Variants in CCZ1 observed in about 807,000 individuals in gnomAD.
The protein encoded by CCZ1 is CCZ1 vacuolar protein trafficking and biogenesis associated.
In CCZ1, 19 loss-of-function variants were observed where a neutral mutation model predicts 57.8. That is an observed-to-expected ratio of 0.33 (90% confidence interval 0.23 to 0.48). CCZ1 has a LOEUF of 0.48. Ranked by LOEUF, CCZ1 falls within the 20% of genes least tolerant of loss-of-function variation. The probability of loss-of-function intolerance (pLI) is 0.99; values close to 1 mark genes in which losing one functional copy is unlikely to be tolerated. For missense variants in CCZ1, 200 were observed against 492.0 expected (o/e 0.41, Z 5.61); for synonymous variants, 81 against 167.0 (o/e 0.49, Z 3.97).
rs1779072479 is a variant in CCZ1 at position 5,913,029 on chromosome 7, G to A, written c.954+75G>A. 2.6e-6 allele frequency: 4 copies of A among 1,526,736 alleles called. No individual in the cohort carries two copies. In the East Asian group the frequency reaches 6.9e-5, roughly 26 times the overall value. 94.6% of individuals were successfully genotyped at this position (1,526,736 alleles called of 1,614,324 possible). On this transcript the variant is annotated intron_variant, in intron 10 of 14. Transcript: ENST00000325974. ...TTCTTGCATGTGTACACGAGTGCAT[G>A]TGCAAACCTCTTAAATGTTTCTTGG... is the stretch of plus-strand genomic sequence containing the variant.
chr7:5,899,332 G>GTGTGTGTGTGTGT (rs1781623164), intron 1 of CCZ1, among the ~76,000 whole-genome samples: 10 of 128,854 alleles, frequency 7.8e-5, no homozygotes, highest in African/African-American at 2.2e-4. Flanking sequence ...TTTCGGGAGG[G>GTGTGTGTGTGTGT]GGGTGTGTGT....
chr7:5,909,180 A>G (rs1172957067), intron 7 of CCZ1, among the ~76,000 whole-genome samples: 1 of 148,280 alleles, frequency 6.7e-6, no homozygotes, highest in Non-Finnish European at 1.5e-5. Flanking sequence ...GGTCAGGATA[A>G]AGTTCCAGTG....
intron 10 of CCZ1, among the ~76,000 whole-genome samples, chr7:5,914,489 C>T (rs1419695834): frequency 6.7e-6 from 1 of 148,772 alleles, no homozygotes; most frequent in Non-Finnish European, 1.5e-5. Context: ...CATTATGTGA[C>T]AGTGGAAGAG....
Position 5,912,011 on chromosome 7 carries a change from T to C in CCZ1, c.842+89T>C. 8.3e-6 allele frequency: 13 copies of C among 1,573,998 alleles called. No homozygotes were observed. The South Asian group carries it at 1.4e-4, about 17-fold the overall frequency. On this transcript the variant is annotated intron_variant, in intron 9 of 14. Coordinates refer to ENST00000325974, the MANE Select transcript of CCZ1 (RefSeq NM_015622.6). ...CTCTGTTACCCAGGCTGGAGAGCAGTGGCAAGATCTCCGCTCACTGCAACC... is the reference window on the plus strand; with the variant it reads ...CTCTGTTACCCAGGCTGGAGAGCAGCGGCAAGATCTCCGCTCACTGCAACC...
chr7:5,919,947 A>G lies in CCZ1; in HGVS notation c.1087A>G (p.Ile363Val), dbSNP rs1779205984. 5.8e-6 allele frequency: 9 copies of G among 1,559,990 alleles called. 2 individuals carry two copies. Among genetic ancestry groups the G allele is most frequent in the Admixed American group, 1.7e-5 (1 of 58,582 alleles). ...CTCTGACATCTGTGAACAGTTTAAC[A>G]TCAACAAGAGGATGTCCGGGTTTGT... Reference protein sequence around the residue: ...LASDICEQFNINKRMSGSEKE... With the variant: ...LASDICEQFNVNKRMSGSEKE... The change falls in exon 12 of 15, where the codon ATC becomes GTC. Residue 363 changes from isoleucine (I) to valine (V), a missense_variant. Ile to Val is a conservative substitution (Grantham distance 29, BLOSUM62 3). Transcript: ENST00000325974.
At chr7:5,909,406 A>T (rs949983673) in intron 7 of CCZ1, among the ~76,000 whole-genome samples, 9 of 150,612 alleles carry the variant, frequency 6.0e-5, no homozygotes, top group Non-Finnish European at 4.4e-5. Flanking sequence ...CTCTTGAAAA[A>T]TGAAAAAAGA....
At position 5,901,713 on chromosome 7, in the gene CCZ1, G is replaced by C. The variant is rs369170918; in HGVS notation, c.438+9G>C. The C allele has an allele frequency of 1.8e-3, 2,929 of 1,597,652 alleles. 75 individuals are homozygous for C. The African/African-American group carries it at 0.036, about 20-fold the overall frequency. Reference sequence around the variant, plus strand: ...GCTACAGCATGTACAAGGTAAGCGTGGCGTTCTTTCTCAACTCAGAGTCCA... The same window carrying C: ...GCTACAGCATGTACAAGGTAAGCGTCGCGTTCTTTCTCAACTCAGAGTCCA... On this transcript the variant is annotated intron_variant, in intron 5 of 14. Coordinates refer to ENST00000325974, the MANE Select transcript of CCZ1 (RefSeq NM_015622.6).
intron 8 of CCZ1, among the ~76,000 whole-genome samples, chr7:5,911,102 C>T (rs1224769601): frequency 1.5e-4 from 23 of 148,928 alleles, no homozygotes; most frequent in Non-Finnish European, 3.0e-4. Flanking sequence ...AAACAATCGA[C>T]TTGTGTAGTC....
intron 7 of CCZ1, among the ~76,000 whole-genome samples, chr7:5,906,719 C>T (rs1234142686): frequency 4.0e-5 from 6 of 149,830 alleles, no homozygotes; most frequent in African/African-American, 1.5e-4. Flanking sequence ...TAAAATTTAC[C>T]TTCCCTGCCA....
In CCZ1 at chr7:5,925,712, A is replaced by C. The variant is rs371275893; in HGVS notation, c.*25A>C. 429 of 1,551,056 alleles carry C rather than the reference A, an allele frequency of 2.8e-4. No homozygotes were observed. The African/African-American group carries it at 5.0e-3, about 18-fold the overall frequency. On this transcript the variant is annotated 3_prime_UTR_variant, in exon 15 of 15. Coordinates refer to ENST00000325974, the MANE Select transcript of CCZ1 (RefSeq NM_015622.6). The stretch of plus-strand genomic sequence containing the variant: ...ACGGATGACGGCTCACCGAGAGCAT[A>C]TCTAAAAAACACTCTGCAAACATTT...
In CCZ1 at chr7:5,901,672, T is replaced by C. The variant is rs758803852; in HGVS notation, c.406T>C (p.Ser136Pro). The change falls in exon 5 of 15, where the codon TCG (serine) becomes CCG (proline). Residue 136 changes from serine to proline, a missense_variant. Coordinates refer to ENST00000325974, the MANE Select transcript of CCZ1 (RefSeq NM_015622.6). The part of the protein sequence containing the change: ...EEELLDKVYS[S>P]VLRQCYSMYK... ...GCGTCTGCAGGACAAGGTTTATAGC[T>C]CGGTGCTGCGGCAGTGCTACAGCAT... 8.8e-6 allele frequency: 14 copies of C among 1,598,514 alleles called. 1 individual carries two copies. The highest frequency in any genetic ancestry group is 2.8e-5 in the African/African-American group (2 of 72,628).
chr7:5,899,365 G>C (rs1781628720), intron 1 of CCZ1, among the ~76,000 whole-genome samples: 1 of 147,816 alleles, frequency 6.8e-6, no homozygotes. Flanking sequence ...GTGTGTGTGT[G>C]TGTGTGTGTG....
intron 6 of CCZ1, among the ~76,000 whole-genome samples, chr7:5,904,559 G>A (rs4524694): frequency 0.33 from 48,308 of 145,228 alleles, 8,814 homozygotes; most frequent in Admixed American, 0.48. Context: ...TTGGCCAGGC[G>A]TGGTGGCTCA....
At chr7:5,910,616 G>GC (rs1781948302) in intron 8 of CCZ1, among the ~76,000 whole-genome samples, 1 of 144,492 alleles carries the variant, frequency 6.9e-6, no homozygotes, top group Admixed American at 7.0e-5. Context: ...GTGAGCCACC[G>GC]CCCCCAGTCC....
chr7:5,923,125 T>TA (rs1779279233), intron 12 of CCZ1, among the ~76,000 whole-genome samples: 1 of 112,910 alleles, frequency 8.9e-6, no homozygotes, highest in Non-Finnish European at 1.8e-5. Flanking sequence ...GAGACCATCC[T>TA]GGCCAACATG....
intron 1 of CCZ1, among the ~76,000 whole-genome samples, chr7:5,899,394 G>T (rs1368292519): frequency 1.2e-4 from 17 of 147,216 alleles, no homozygotes; most frequent in African/African-American, 4.0e-4. Context: ...GTTTTTCTGA[G>T]GTGGGGACGG....
chr7:5,901,695 C>T lies in CCZ1; in HGVS notation c.429C>T (p.Ser143=). 6.3e-7 allele frequency: 1 copy of T among 1,598,830 alleles called. No individual in the cohort carries two copies. Among genetic ancestry groups the T allele is most frequent in the Non-Finnish European group, 8.5e-7 (1 of 1,176,824 alleles). The stretch of plus-strand genomic sequence containing the variant: ...GCTCGGTGCTGCGGCAGTGCTACAG[C>T]ATGTACAAGGTAAGCGTGGCGTTCT... ...VYSSVLRQCY[S]MYKLFNGTFL... Residue 143 remains serine, a synonymous_variant, in exon 5 of 15, where the codon AGC becomes AGT. Coordinates refer to ENST00000325974, the MANE Select transcript of CCZ1 (RefSeq NM_015622.6).
chr7:5,907,817 A>ACAGCCTCTTACTG (rs1281611769), intron 7 of CCZ1, among the ~76,000 whole-genome samples: 1 of 11,362 alleles, frequency 8.8e-5, no homozygotes, highest in Admixed American at 8.8e-4. Context: ...TTCAAGCAAA[A>ACAGCCTCTTACTG]CAGGCGCCAA....
intron 1 of CCZ1, 145 bp from the exon 2 acceptor site, chr7:5,900,139 C>T (rs1781649321): frequency 1.1e-5 from 11 of 1,020,374 alleles, no homozygotes; most frequent in Middle Eastern, 2.9e-4. Context: ...ACTAGGATTA[C>T]AATTCCTGTT....
Sources: allele counts gnomAD v4.1 joint callset (sites outside exome capture counted in the v4.1 genomes callset), GRCh38; gene constraint gnomAD v4.1.1; transcripts MANE v1.5; gene names NCBI Gene and HGNC (gene_info 2026-07-23, HGNC 2026-07-21).